DNAH6: variants seen among roughly 807,000 people sequenced by gnomAD.
DNAH6 encodes dynein axonemal heavy chain 6, also known as axonemal beta dynein heavy chain 6.
A neutral mutation model predicts 491.4 loss-of-function variants in DNAH6; 340 were observed. The ratio of observed to expected loss-of-function variants is 0.69; its 90% CI spans 0.63 to 0.76. The LOEUF is 0.76. DNAH6 is among the 30% of genes least tolerant of loss of function. The pLI is 0.00. For synonymous variants in DNAH6, 1,603 were observed against 1,686.1 expected, an observed-to-expected ratio of 0.95 and a Z score of 1.21; for missense variants, 4,443 against 4,972.2, an observed-to-expected ratio of 0.89 and a Z score of 3.20.
Position 84,697,724 on chromosome 2 carries a change from C to A in DNAH6, c.7674C>A (p.Asp2558Glu). 6.4e-7 allele frequency: 1 copy of A among 1,551,628 alleles called. No individual in the cohort carries two copies. Among genetic ancestry groups the A allele is most frequent in the East Asian group, 2.4e-5 (1 of 40,912 alleles). The change falls in exon 47 of 77, where the codon GAC (aspartate) becomes GAA (glutamate). Residue 2558 changes from aspartate to glutamate, a missense_variant. Physicochemically the swap from Asp to Glu is conservative, Grantham distance 45. Transcript: ENST00000389394. ...KEVGISEGNR[D>E]EVFQYFISKV... ...TAGGAATTTCTGAGGGGAACAGAGACGAGGTAGGATGTGCCAGAGTAGTTA... is the reference window on the plus strand; with the variant it reads ...TAGGAATTTCTGAGGGGAACAGAGAAGAGGTAGGATGTGCCAGAGTAGTTA...
intron 3 of DNAH6, among the ~76,000 whole-genome samples, chr2:84,527,149 G>T (rs903436411): frequency 6.6e-6 from 1 of 152,148 alleles, no homozygotes; most frequent in South Asian, 2.1e-4. Context: ...TTTCCTGGGA[G>T]GTAAAGGAAG....
chr2:84,678,568 C>T (rs1214688101), intron 41 of DNAH6, among the ~76,000 whole-genome samples: 5 of 152,088 alleles, frequency 3.3e-5, no homozygotes, highest in Non-Finnish European at 5.9e-5. Flanking sequence ...CGTTCTTCAT[C>T]ATTCCAAAAT....
intron 73 of DNAH6, among the ~76,000 whole-genome samples, chr2:84,812,785 G>A (rs1300835998): frequency 6.6e-6 from 1 of 152,168 alleles, no homozygotes; most frequent in Admixed American, 6.5e-5. Flanking sequence ...ACCCCACAGT[G>A]AGGTATAGAC....
chr2:84,583,976 G>A (rs752679790), intron 14 of DNAH6, 23 bp from the exon 15 acceptor site: 32 of 1,609,738 alleles, frequency 2.0e-5, no homozygotes, highest in Middle Eastern at 1.6e-4. Flanking sequence ...TACATTTAAT[G>A]AGCAAACTAT....
At chr2:84,805,582 CTTT>C (rs1679338210) in intron 70 of DNAH6, 80 bp from the exon 71 acceptor site, 1 of 1,301,888 alleles carries the variant, frequency 7.7e-7, no homozygotes, top group South Asian at 1.7e-5. Flanking sequence ...ACTGCCTTTA[CTTT>C]TGTAAATAAT....
chr2:84,540,117 A>G (rs1032092713), intron 4 of DNAH6, among the ~76,000 whole-genome samples: 2 of 152,314 alleles, frequency 1.3e-5, no homozygotes, highest in Admixed American at 1.3e-4. Flanking sequence ...TTCAGCCTTA[A>G]AGCAGGTAAG....
At position 84,608,397 on chromosome 2, in the gene DNAH6, T is replaced by TA. The variant is rs543213194; in HGVS notation, c.3294+1303dup. ...ATGGCAGATATAGCCTTACAAAATG[T>TA]ATTTCTTAAATAATAAGACTTTCAA... On this transcript the variant is annotated intron_variant, in intron 21 of 76. Transcript: ENST00000389394. Among the ~76,000 whole-genome samples the TA allele has an allele frequency of 4.7e-3, 712 of 152,008 alleles. 5 individuals are homozygous for TA. Among genetic ancestry groups the TA allele is most frequent in the African/African-American group, 0.016 (652 of 41,424 alleles).
chr2:84,774,814 C>T (rs1231980601), intron 64 of DNAH6, among the ~76,000 whole-genome samples: 1 of 151,942 alleles, frequency 6.6e-6, no homozygotes, highest in East Asian at 1.9e-4. Context: ...AAGTGCCATT[C>T]CTTTCTTGAT....
chr2:84,602,797 G>GTTTTTTT (rs70949898), intron 18 of DNAH6, among the ~76,000 whole-genome samples: 27 of 121,828 alleles, frequency 2.2e-4, no homozygotes, highest in Non-Finnish European at 2.9e-4. Context: ...TGGATGCTCT[G>GTTTTTTT]TTTTTTTTTT....
At chr2:84,489,539 C>T in the DNAH6 span, among the ~76,000 whole-genome samples, 1 of 152,184 alleles carries the variant, frequency 6.6e-6, no homozygotes, top group Non-Finnish European at 1.5e-5. Context: ...TCTTCACATA[C>T]TCACAGGTTT....
chr2:84,811,373 A>G lies in DNAH6; in HGVS notation c.11740-968A>G, dbSNP rs76328927. 5.8e-3 allele frequency among the ~76,000 whole-genome samples: 881 copies of G among 152,186 alleles called. 8 individuals carry two copies. Among genetic ancestry groups the G allele is most frequent in the African/African-American group, 0.02 (837 of 41,514 alleles). On this transcript the variant is annotated intron_variant, in intron 72 of 76. Coordinates refer to ENST00000389394, the MANE Select transcript of DNAH6 (RefSeq NM_001370.2). ...GACCCATGGGGGCCATAACCCAACT[A>G]TATGCTCTCCCTTGTCTTTAGCCAG...
At chr2:84,486,525 C>T in the DNAH6 span, among the ~76,000 whole-genome samples, 5 of 152,184 alleles carry the variant, frequency 3.3e-5, no homozygotes, top group Non-Finnish European at 7.3e-5. Flanking sequence ...AACAAATGTA[C>T]ACTGTGATTG....
At chr2:84,513,898 G>GA (rs1675429240), upstream of DNAH6, among the ~76,000 whole-genome samples, 1 of 152,168 alleles carries the variant, frequency 6.6e-6, no homozygotes, top group Non-Finnish European at 1.5e-5. Context: ...TCTACAGGTA[G>GA]AAATATGCTG....
At chr2:84,638,259 C>T (rs1689056771) in intron 31 of DNAH6, among the ~76,000 whole-genome samples, 2 of 152,132 alleles carry the variant, frequency 1.3e-5, no homozygotes, top group Non-Finnish European at 2.9e-5. Flanking sequence ...AATCCTCCCA[C>T]CTCAGCCTCT....
At chr2:84,603,330 C>G (rs1361884844) in intron 18 of DNAH6, among the ~76,000 whole-genome samples, 1 of 152,024 alleles carries the variant, frequency 6.6e-6, no homozygotes, top group Non-Finnish European at 1.5e-5. Flanking sequence ...TATGGTTACC[C>G]TCAGTGCACC....
rs1689293128 is a variant in DNAH6, at chr2:84,640,567, G to C, written c.4959G>C (p.Leu1653=). The part of the protein sequence containing the change: ...DFGMRAVKSV[L]VMAGSLKREN... ...GCATGAGAGCTGTGAAGTCTGTCCT[G>C]GTCATGGCTGGGTAAGAAACCAAAG... Residue 1653 remains leucine (L), a synonymous_variant, in exon 32 of 77, where the codon CTG becomes CTC. Coordinates refer to ENST00000389394, the MANE Select transcript of DNAH6 (RefSeq NM_001370.2). 1 of 1,545,586 alleles carries C rather than the reference G, an allele frequency of 6.5e-7. No homozygotes were observed. The highest frequency in any genetic ancestry group is 8.7e-7 in the Non-Finnish European group (1 of 1,144,968).
At position 84,528,761 on chromosome 2, in the gene DNAH6, A is replaced by T. The variant is rs987379095; in HGVS notation, c.400-143A>T. 1.3e-5 allele frequency: 10 copies of T among 770,856 alleles called. No individual in the cohort carries two copies. In the African/African-American group the frequency reaches 1.6e-4, roughly 12 times the overall value. The allele number at this position is 770,856 out of a possible 1,614,324, so 47.8% of individuals were successfully genotyped here. On this transcript the variant is annotated intron_variant, in intron 3 of 76. Coordinates refer to ENST00000389394, the MANE Select transcript of DNAH6 (RefSeq NM_001370.2). ...ATGACTGCCTAACAATAGTTTGAAAATTTTCAGTGCCAAAATGCTTGCCTT... is the reference window on the plus strand; with the variant it reads ...ATGACTGCCTAACAATAGTTTGAAATTTTTCAGTGCCAAAATGCTTGCCTT...
At chr2:84,562,255 G>T (rs949677173) in intron 11 of DNAH6, among the ~76,000 whole-genome samples, 1 of 152,092 alleles carries the variant, frequency 6.6e-6, no homozygotes, top group East Asian at 1.9e-4. Context: ...CTCAGAGAAA[G>T]AAAGAAAGAA....
intron 64 of DNAH6, among the ~76,000 whole-genome samples, chr2:84,768,969 T>G (rs907675338): frequency 6.6e-6 from 1 of 152,272 alleles, no homozygotes; most frequent in African/African-American, 2.4e-5. Context: ...TTGAGTCAGA[T>G]ATCTGGGCCA....
Sources: allele counts gnomAD v4.1 joint callset (sites outside exome capture counted in the v4.1 genomes callset), GRCh38; gene constraint gnomAD v4.1.1; transcripts MANE v1.5; gene names NCBI Gene and HGNC (gene_info 2026-07-23, HGNC 2026-07-21).